RPAIN: variants seen among roughly 807,000 people sequenced by gnomAD.
RPAIN encodes the protein RPA interacting protein.
RPAIN carries 29 observed loss-of-function variants against 30.5 expected under a neutral mutation model. That is an observed-to-expected ratio of 0.95 (90% confidence interval 0.71 to 1.30). The LOEUF is 1.30. Among genes scored for constraint, RPAIN ranks in the 50% most tolerant of loss-of-function variants. The pLI is 0.00. For synonymous variants in RPAIN, 101 were observed against 93.5 expected (o/e 1.08, Z -0.46); for missense variants, 247 against 264.7 (o/e 0.93, Z 0.46).
chr17:5,432,694 A>G lies in RPAIN; in HGVS notation c.*123A>G. ...TATTGAAACTTTTAAACAATACTGA[A>G]GAAAAAAAAACTTTTCCGACATCTG... is the stretch of plus-strand genomic sequence containing the variant. On this transcript the variant is annotated 3_prime_UTR_variant, in exon 7 of 7. Transcript: ENST00000381209. 1 of 1,062,788 alleles carries G rather than the reference A, an allele frequency of 9.4e-7. No homozygotes were observed. Among genetic ancestry groups the G allele is most frequent in the Non-Finnish European group, 1.4e-6 (1 of 720,692 alleles). The allele number at this position is 1,062,788 out of a possible 1,614,324, so 65.8% of individuals were successfully genotyped here.
At position 5,432,659 on chromosome 17, in the gene RPAIN, A is replaced by G. The variant is rs1017653662; in HGVS notation, c.*88A>G. ...TGTACATACAAGCCTTTTATTTATA[A>G]CTTATTTTGTATTGAAACTTTTAAA... On this transcript the variant is annotated 3_prime_UTR_variant, in exon 7 of 7. Coordinates refer to ENST00000381209, the MANE Select transcript of RPAIN (RefSeq NM_001033002.4). 3 of 1,271,506 alleles carry G rather than the reference A, an allele frequency of 2.4e-6. No individual in the cohort carries two copies. Among genetic ancestry groups the G allele is most frequent in the Non-Finnish European group, 2.2e-6 (2 of 890,218 alleles). The allele number at this position is 1,271,506 out of a possible 1,614,324, so 78.8% of individuals were successfully genotyped here. A position where few individuals can be genotyped will look rare whatever the true frequency, so the allele number is the denominator to read the frequency against.
chr17:5,432,102 T>C (rs575160718), intron 6 of RPAIN: 2 of 217,422 alleles, frequency 9.2e-6, no homozygotes, highest in Admixed American at 5.2e-5. Flanking sequence ...TGTCTTTACA[T>C]GTTTTCTGCC....
chr17:5,420,775 C>CA (rs1914700076), intron 1 of RPAIN, among the ~76,000 whole-genome samples: 1 of 152,184 alleles, frequency 6.6e-6, no homozygotes, highest in Admixed American at 6.6e-5. Flanking sequence ...TCAGCCTTGA[C>CA]AATGGACATT....
At chr17:5,431,854 G>C (rs547934113) in intron 6 of RPAIN, 16 of 332,268 alleles carry the variant, frequency 4.8e-5, no homozygotes, top group Non-Finnish European at 8.8e-5. Context: ...CTGTGGAAGT[G>C]GTAAGAAACA....
chr17:5,426,150 C>G, intron 4 of RPAIN, 68 bp downstream of exon 4: 1 of 1,552,460 alleles, frequency 6.4e-7, no homozygotes, highest in Non-Finnish European at 8.9e-7. Context: ...AGTGGAATCT[C>G]CCCCCAGATT....
chr17:5,428,359 A>G, intron 6 of RPAIN, 148 bp downstream of exon 6: 3 of 1,525,874 alleles, frequency 2.0e-6, no homozygotes, highest in Non-Finnish European at 2.6e-6. Flanking sequence ...AAGTGAAGGT[A>G]ACAAGTCATT....
chr17:5,430,934 T>G, intron 6 of RPAIN: 1 of 157,478 alleles, frequency 6.4e-6, no homozygotes, highest in Non-Finnish European at 1.4e-5. Context: ...AGAAGGGGAA[T>G]TAAAAGGTAA....
At chr17:5,423,710 T>G (rs1915094586) in intron 3 of RPAIN, among the ~76,000 whole-genome samples, 1 of 152,018 alleles carries the variant, frequency 6.6e-6, no homozygotes, top group Non-Finnish European at 1.5e-5. Flanking sequence ...CCTTATATAG[T>G]TAAGTCATTT....
chr17:5,423,799 C>G (rs1198199933), intron 3 of RPAIN, among the ~76,000 whole-genome samples: 2 of 152,072 alleles, frequency 1.3e-5, no homozygotes, highest in Non-Finnish European at 2.9e-5. Flanking sequence ...TCTGCCCAGG[C>G]TGGAATGCAG....
Position 5,432,748 on chromosome 17 carries a change from G to A in RPAIN, c.*177G>A. 1.3e-6 allele frequency: 1 copy of A among 771,564 alleles called. No individual in the cohort carries two copies. Among genetic ancestry groups the A allele is most frequent in the Non-Finnish European group, 2.0e-6 (1 of 499,402 alleles). 47.8% of individuals were successfully genotyped at this position (771,564 alleles called of 1,614,324 possible). On this transcript the variant is annotated 3_prime_UTR_variant, in exon 7 of 7. Coordinates refer to ENST00000381209, the MANE Select transcript of RPAIN (RefSeq NM_001033002.4). ...TTGGTCTTTTGTGACGCAGGTTGAAGGGGGAGGAATAGAAAAAGACAAACT... is the reference window on the plus strand; with the variant it reads ...TTGGTCTTTTGTGACGCAGGTTGAAAGGGGAGGAATAGAAAAAGACAAACT...
At chr17:5,428,340 T>G in intron 6 of RPAIN, 129 bp downstream of exon 6, 1 of 1,542,954 alleles carries the variant, frequency 6.5e-7, no homozygotes, top group Non-Finnish European at 8.8e-7. Context: ...GGAATTTACC[T>G]GCATAGAAAA....
At chr17:5,430,828 CCA>C (rs781414475) in intron 6 of RPAIN, 1 of 152,946 alleles carries the variant, frequency 6.5e-6, no homozygotes, top group African/African-American at 2.4e-5. Flanking sequence ...AGTGAGTCAT[CCA>C]CACAGATTAT....
At chr17:5,427,056 T>G (rs1915469366) in intron 5 of RPAIN, 1 of 152,218 alleles carries the variant, frequency 6.6e-6, no homozygotes. Flanking sequence ...TAAAATGTTT[T>G]ATGGTAAGTT....
At chr17:5,427,721 A>C in intron 5 of RPAIN, 1 of 261,194 alleles carries the variant, frequency 3.8e-6, no homozygotes, top group Non-Finnish European at 7.4e-6. Flanking sequence ...ACCCAAGCAG[A>C]CCCGGGAGCA....
At chr17:5,428,465 C>T (rs1434470233) in intron 6 of RPAIN, 5 of 1,431,018 alleles carry the variant, frequency 3.5e-6, no homozygotes, top group African/African-American at 2.9e-5. Context: ...TCCACACCTG[C>T]TCTTCTTTGA....
At chr17:5,423,756 G>GGTTTTT (rs1417163488) in intron 3 of RPAIN, among the ~76,000 whole-genome samples, 4 of 151,868 alleles carry the variant, frequency 2.6e-5, no homozygotes, top group African/African-American at 2.4e-5. Context: ...GGCCTTGTTT[G>GGTTTTT]GTTTTTGTTT....
chr17:5,424,658 A>G lies in RPAIN; in HGVS notation c.314-1313A>G, dbSNP rs115662430. ...TTGTGTGGCACCGACCAAAGCACTT[A>G]ATTTCCCCGTGCCTCAGTTTCTTCA... is the stretch of plus-strand genomic sequence containing the variant. On this transcript the variant is annotated intron_variant, in intron 3 of 6. Coordinates refer to ENST00000381209, the MANE Select transcript of RPAIN (RefSeq NM_001033002.4). Among the ~76,000 whole-genome samples the G allele has an allele frequency of 3.8e-3, 583 of 152,316 alleles. 5 individuals are homozygous for G. Among genetic ancestry groups the G allele is most frequent in the African/African-American group, 0.014 (564 of 41,566 alleles).
In RPAIN at chr17:5,432,706, T is replaced by C. The variant is rs1916105204; in HGVS notation, c.*135T>C. On this transcript the variant is annotated 3_prime_UTR_variant, in exon 7 of 7. Transcript: ENST00000381209. ...TAAACAATACTGAAGAAAAAAAAAC[T>C]TTTCCGACATCTGTTCTTGGTCTTT... 2 of 921,072 alleles carry C rather than the reference T, an allele frequency of 2.2e-6. No homozygotes were observed. Among genetic ancestry groups the C allele is most frequent in the Middle Eastern group, 2.5e-4 (1 of 3,988 alleles). The allele number at this position is 921,072 out of a possible 1,614,324, so 57.1% of individuals were successfully genotyped here.
chr17:5,431,541 G>T, intron 6 of RPAIN: 1 of 442,100 alleles, frequency 2.3e-6, no homozygotes, highest in East Asian at 9.1e-5. Flanking sequence ...TAGGTCTTGA[G>T]TTCAACATTT....
Sources: allele counts gnomAD v4.1 joint callset (sites outside exome capture counted in the v4.1 genomes callset), GRCh38; gene constraint gnomAD v4.1.1; transcripts MANE v1.5; gene names NCBI Gene and HGNC (gene_info 2026-07-23, HGNC 2026-07-21).